The following LGR4 variants were observed in gnomAD, a reference collection of about 807,000 sequenced individuals.
LGR4 encodes leucine-rich repeat-containing G protein-coupled receptor 4.
LGR4 carries 44 observed loss-of-function variants against 84.8 expected under a neutral mutation model. That is an observed-to-expected ratio of 0.52 (90% CI 0.41 to 0.67). The LOEUF (loss-of-function observed/expected upper bound fraction) is 0.67, where lower values mean the gene tolerates loss of function less well. Among genes scored for constraint, LGR4 ranks in the 30% least tolerant of loss-of-function variants. LGR4 has a pLI of 0.00. For missense variants in LGR4, 1,032 were observed against 1,131.4 expected (o/e 0.91, Z 1.26); for synonymous variants, 429 against 434.3 (o/e 0.99, Z 0.15).
chr11:27,394,667 C>T (rs1863354046), intron 2 of LGR4, among the ~76,000 whole-genome samples: 1 of 151,986 alleles, frequency 6.6e-6, no homozygotes, highest in Non-Finnish European at 1.5e-5. Flanking sequence ...CCTCCCAAAG[C>T]ACTACATCTT....
intron 1 of LGR4, among the ~76,000 whole-genome samples, chr11:27,449,616 A>G (rs1864449312): frequency 6.6e-6 from 1 of 151,894 alleles, no homozygotes; most frequent in African/African-American, 2.4e-5. Flanking sequence ...GTTATTTACT[A>G]TTATTAAAAA....
At chr11:27,391,414 G>A (rs1336446784) in intron 3 of LGR4, among the ~76,000 whole-genome samples, 1 of 152,010 alleles carries the variant, frequency 6.6e-6, no homozygotes, top group African/African-American at 2.4e-5. Context: ...GGTAATCCAT[G>A]TTTCCAAGGG....
intron 1 of LGR4, among the ~76,000 whole-genome samples, chr11:27,463,067 CAAAAAA>C (rs35718980): frequency 9.8e-5 from 5 of 51,036 alleles, no homozygotes; most frequent in East Asian, 7.6e-4. Flanking sequence ...ACCCTGTCTC[CAAAAAA>C]AAAAAAAAAA....
intron 4 of LGR4, among the ~76,000 whole-genome samples, chr11:27,390,579 A>G (rs1343939416): frequency 6.6e-6 from 1 of 152,218 alleles, no homozygotes; most frequent in Non-Finnish European, 1.5e-5. Flanking sequence ...TTTGGTATTT[A>G]GGACATGAAG....
chr11:27,389,143 A>G (rs149056726), intron 4 of LGR4, among the ~76,000 whole-genome samples: 203 of 152,242 alleles, frequency 1.3e-3, no homozygotes, highest in African/African-American at 4.7e-3. Flanking sequence ...AAAATGACTC[A>G]AGTGCTGATA....
chr11:27,439,753 C>T (rs1206647045), intron 1 of LGR4, among the ~76,000 whole-genome samples: 1 of 152,142 alleles, frequency 6.6e-6, no homozygotes, highest in African/African-American at 2.4e-5. Flanking sequence ...CCTCTCTCTG[C>T]TCCACTTCCC....
chr11:27,393,937 A>AT (rs34545834), intron 2 of LGR4, among the ~76,000 whole-genome samples: 1 of 45,700 alleles, frequency 2.2e-5, no homozygotes, highest in Non-Finnish European at 3.5e-5. Flanking sequence ...TGCACTGAAG[A>AT]TTGGGGGGGG....
chr11:27,381,195 T>G (rs1021416635), intron 7 of LGR4, among the ~76,000 whole-genome samples: 1 of 152,226 alleles, frequency 6.6e-6, no homozygotes, highest in Non-Finnish European at 1.5e-5. Context: ...ATCCCTCATA[T>G]GCATTTATCT....
At chr11:27,449,257 A>T (rs977455216) in intron 1 of LGR4, among the ~76,000 whole-genome samples, 2 of 148,414 alleles carry the variant, frequency 1.3e-5, no homozygotes, top group Admixed American at 1.4e-4. Context: ...TATCATAATA[A>T]TTAAAGTTTA....
intron 1 of LGR4, among the ~76,000 whole-genome samples, chr11:27,449,811 T>C (rs1013131515): frequency 5.9e-5 from 9 of 152,196 alleles, no homozygotes; most frequent in African/African-American, 1.4e-4. Flanking sequence ...CCAGAAAATA[T>C]AACAGGATGA....
intron 1 of LGR4, among the ~76,000 whole-genome samples, chr11:27,447,987 T>C (rs968376617): frequency 1.3e-5 from 2 of 152,208 alleles, no homozygotes; most frequent in Non-Finnish European, 2.9e-5. Context: ...CATGTTAACA[T>C]AGCACCATGT....
At chr11:27,469,259 T>C (rs1864829696) in intron 1 of LGR4, among the ~76,000 whole-genome samples, 2 of 152,094 alleles carry the variant, frequency 1.3e-5, no homozygotes, top group Admixed American at 6.5e-5. Flanking sequence ...CACCAGGAAA[T>C]AGACACTGTT....
chr11:27,463,184 T>C (rs1367147734), intron 1 of LGR4, among the ~76,000 whole-genome samples: 1 of 151,584 alleles, frequency 6.6e-6, no homozygotes, highest in African/African-American at 2.4e-5. Flanking sequence ...CCTGGGAGGT[T>C]GAGGCTGCAG....
At chr11:27,397,061 T>C (rs1169431989) in intron 2 of LGR4, among the ~76,000 whole-genome samples, 1 of 152,200 alleles carries the variant, frequency 6.6e-6, no homozygotes, top group Admixed American at 6.5e-5. Flanking sequence ...CCACTTAATC[T>C]GAAAAAGCAC....
intron 1 of LGR4, among the ~76,000 whole-genome samples, chr11:27,434,417 C>T (rs1438347767): frequency 1.3e-5 from 2 of 152,230 alleles, no homozygotes; most frequent in Non-Finnish European, 2.9e-5. Context: ...TTAGTGTTTA[C>T]ATCTCATTTC....
chr11:27,381,689 C>T (rs1189344852), intron 7 of LGR4, among the ~76,000 whole-genome samples: 1 of 127,474 alleles, frequency 7.8e-6, no homozygotes, highest in African/African-American at 2.9e-5. Context: ...GACTCCGTCT[C>T]AAAACATACA....
At chr11:27,381,012 CG>C (rs1863083428) in intron 7 of LGR4, 46 bp from the exon 8 acceptor site, 1 of 1,013,946 alleles carries the variant, frequency 9.9e-7, no homozygotes, top group East Asian at 2.4e-5. Flanking sequence ...TATCCTCTTG[CG>C]AAATAAAACC....
chr11:27,398,316 G>A (rs1342352468), intron 2 of LGR4, among the ~76,000 whole-genome samples: 1 of 152,198 alleles, frequency 6.6e-6, no homozygotes, highest in African/African-American at 2.4e-5. Context: ...AATGCACTGA[G>A]CGACACTAGA....
intron 6 of LGR4, among the ~76,000 whole-genome samples, 186 bp from the exon 7 acceptor site, chr11:27,382,442 G>C (rs1863115149): frequency 6.6e-6 from 1 of 151,986 alleles, no homozygotes; most frequent in Non-Finnish European, 1.5e-5. Flanking sequence ...TTACAATAAT[G>C]AATAGAGAGA....
Sources: allele counts gnomAD v4.1 joint callset (sites outside exome capture counted in the v4.1 genomes callset), GRCh38; gene constraint gnomAD v4.1.1; transcripts MANE v1.5; gene names NCBI Gene and HGNC (gene_info 2026-07-23, HGNC 2026-07-21).